The following SLC9A9 variants were observed in gnomAD, a reference collection of about 807,000 sequenced individuals.
SLC9A9 encodes the protein solute carrier family 9 member A9.
A neutral mutation model predicts 77.8 loss-of-function variants in SLC9A9; 62 were observed. The observed-to-expected ratio is 0.80, with a 90% CI of 0.65 to 0.98. SLC9A9 has a LOEUF of 0.98. Ranked by LOEUF, SLC9A9 falls within the 50% of genes least tolerant of loss-of-function variation. The pLI is 0.00. For missense variants in SLC9A9, 775 were observed against 774.9 expected, an observed-to-expected ratio of 1.00 and a Z score of 0.00; for synonymous variants, 320 against 283.5, an observed-to-expected ratio of 1.13 and a Z score of -1.29.
chr3:143,340,552 T>C (rs946674660), intron 14 of SLC9A9, among the ~76,000 whole-genome samples: 1 of 152,212 alleles, frequency 6.6e-6, no homozygotes, highest in Non-Finnish European at 1.5e-5. Context: ...CTATAGCTAG[T>C]GGAGGCTTTG....
At chr3:143,569,441 G>A (rs2037223172) in intron 8 of SLC9A9, among the ~76,000 whole-genome samples, 3 of 151,834 alleles carry the variant, frequency 2.0e-5, no homozygotes, top group African/African-American at 7.3e-5. Context: ...TTATCATCTG[G>A]GAAGAAAATC....
At chr3:143,287,562 A>C (rs1938417034) in intron 14 of SLC9A9, among the ~76,000 whole-genome samples, 1 of 152,184 alleles carries the variant, frequency 6.6e-6, no homozygotes, top group Non-Finnish European at 1.5e-5. Flanking sequence ...GTTCTGAGTT[A>C]TTCTAGCAAA....
chr3:143,550,399 A>G (rs545167722), intron 9 of SLC9A9, among the ~76,000 whole-genome samples: 1 of 152,290 alleles, frequency 6.6e-6, no homozygotes, highest in East Asian at 1.9e-4. Flanking sequence ...TCTTTGCCAT[A>G]TAACTTTGCA....
chr3:143,553,915 AC>A (rs2036934742), intron 8 of SLC9A9, among the ~76,000 whole-genome samples: 1 of 152,224 alleles, frequency 6.6e-6, no homozygotes, highest in Admixed American at 6.5e-5. Context: ...TACCAGGGAA[AC>A]TTTTAGTGTG....
At chr3:143,336,792 A>G (rs1194583864) in intron 14 of SLC9A9, among the ~76,000 whole-genome samples, 1 of 152,162 alleles carries the variant, frequency 6.6e-6, no homozygotes, top group Admixed American at 6.6e-5. Flanking sequence ...TTACAGGATA[A>G]AAAAGTTCTA....
intron 5 of SLC9A9, among the ~76,000 whole-genome samples, chr3:143,689,695 C>T (rs1327755363): frequency 6.6e-6 from 1 of 152,044 alleles, no homozygotes; most frequent in Non-Finnish European, 1.5e-5. Flanking sequence ...TAGGTGTGGG[C>T]CACTGTTCCC....
chr3:143,844,811 C>T (rs1386214772), intron 1 of SLC9A9, among the ~76,000 whole-genome samples: 2 of 148,736 alleles, frequency 1.3e-5, no homozygotes, highest in African/African-American at 5.0e-5. Flanking sequence ...CACTCTGTCA[C>T]CTAGGCTCGA....
At chr3:143,803,254 T>C (rs961002263) in intron 2 of SLC9A9, among the ~76,000 whole-genome samples, 1 of 152,130 alleles carries the variant, frequency 6.6e-6, no homozygotes, top group Non-Finnish European at 1.5e-5. Context: ...TCCCTTAAAC[T>C]CACTTGCATT....
At chr3:143,711,577 AAAT>A (rs1255012826) in intron 4 of SLC9A9, among the ~76,000 whole-genome samples, 2,160 of 138,818 alleles carry the variant, frequency 0.016, 46 homozygotes, top group African/African-American at 0.059. Context: ...TTTAAAAAAA[AAAT>A]TTTTTTTTTT....
At chr3:143,670,536 T>A (rs935070423) in intron 5 of SLC9A9, among the ~76,000 whole-genome samples, 2 of 152,222 alleles carry the variant, frequency 1.3e-5, no homozygotes, top group African/African-American at 4.8e-5. Flanking sequence ...GAGACCTTGC[T>A]AATGTTCTGC....
chr3:143,761,440 T>C (rs1356340482), intron 4 of SLC9A9, among the ~76,000 whole-genome samples: 3 of 151,956 alleles, frequency 2.0e-5, no homozygotes, highest in Non-Finnish European at 4.4e-5. Context: ...TGCAATCTAC[T>C]CATCTGACAA....
chr3:143,353,781 A>G (rs1393944507), intron 14 of SLC9A9, among the ~76,000 whole-genome samples: 1 of 152,164 alleles, frequency 6.6e-6, no homozygotes, highest in East Asian at 1.9e-4. Flanking sequence ...TTAGGGAAGA[A>G]GAATTAAAAT....
intron 2 of SLC9A9, among the ~76,000 whole-genome samples, chr3:143,808,495 C>T (rs896791603): frequency 6.6e-6 from 1 of 152,060 alleles, no homozygotes; most frequent in African/African-American, 2.4e-5. Flanking sequence ...CAAAGCTTGG[C>T]TTGTAATTAT....
chr3:143,358,903 C>T (rs1200118697), intron 14 of SLC9A9, among the ~76,000 whole-genome samples: 1 of 152,136 alleles, frequency 6.6e-6, no homozygotes, highest in Non-Finnish European at 1.5e-5. Flanking sequence ...CTTGAATGTG[C>T]CAGATCGTTG....
rs897335131 is a variant in SLC9A9, at chr3:143,652,290, A to G, written c.720T>C (p.Ser240=). The G allele has an allele frequency of 1.4e-5, 23 of 1,613,072 alleles. No individual in the cohort carries two copies. The highest frequency in any genetic ancestry group is 1.7e-5 in the Non-Finnish European group (20 of 1,179,690). The change falls in exon 6 of 16, where the codon AGT becomes AGC. Residue 240 remains serine, a synonymous_variant. Coordinates refer to ENST00000316549, the MANE Select transcript of SLC9A9 (RefSeq NM_173653.4). ...PDLYTLLFGE[S]VLNDAVAIVL... The stretch of plus-strand genomic sequence containing the variant: ...CTATGGCCACTGCATCATTCAACAC[A>G]CTCTCTCCAAACAAGAGTGTGTACA...
rs114830716 is a variant in SLC9A9 at position 143,323,467 on chromosome 3, A to T, written c.1604+40017T>A. 6.7e-3 allele frequency among the ~76,000 whole-genome samples: 1,015 copies of T among 152,338 alleles called. 6 individuals are homozygous for T. Among genetic ancestry groups the T allele is most frequent in the African/African-American group, 0.023 (970 of 41,570 alleles). On this transcript the variant is annotated intron_variant, in intron 14 of 15. Transcript: ENST00000316549. Reference sequence around the variant, plus strand: ...TCATCTTAAGTGGAATAAGCCAGCCACAGAAAGACAGATACTGCTTGTTCT... The same window carrying T: ...TCATCTTAAGTGGAATAAGCCAGCCTCAGAAAGACAGATACTGCTTGTTCT...
chr3:143,427,400 G>A (rs1053188868), intron 12 of SLC9A9, among the ~76,000 whole-genome samples: 1 of 152,196 alleles, frequency 6.6e-6, no homozygotes, highest in East Asian at 1.9e-4. Context: ...AAACTATTCT[G>A]AAATCATCTT....
intron 4 of SLC9A9, among the ~76,000 whole-genome samples, chr3:143,739,426 C>A (rs1332752058): frequency 6.6e-6 from 1 of 152,136 alleles, no homozygotes; most frequent in African/African-American, 2.4e-5. Flanking sequence ...TAATTAAGAC[C>A]ACCTGGCTAG....
chr3:143,451,896 TA>T (rs2035014569), intron 12 of SLC9A9, among the ~76,000 whole-genome samples: 1 of 152,138 alleles, frequency 6.6e-6, no homozygotes, highest in African/African-American at 2.4e-5. Flanking sequence ...TATATATGAT[TA>T]ATAATATAGA....
Sources: allele counts gnomAD v4.1 joint callset (sites outside exome capture counted in the v4.1 genomes callset), GRCh38; gene constraint gnomAD v4.1.1; transcripts MANE v1.5; gene names NCBI Gene and HGNC (gene_info 2026-07-23, HGNC 2026-07-21).